The following PRKCA variants were observed in gnomAD, a reference collection of about 807,000 sequenced individuals.
PRKCA encodes the protein protein kinase C alpha type.
PRKCA carries 27 observed loss-of-function variants against 87.0 expected under a neutral mutation model. The ratio of observed to expected loss-of-function variants is 0.31; its 90% CI spans 0.23 to 0.43. The LOEUF is 0.43. PRKCA is among the 20% of genes least tolerant of loss of function. The pLI, the probability that PRKCA is intolerant of heterozygous loss-of-function variation, is 1.00. For synonymous variants in PRKCA, 329 were observed against 311.1 expected (o/e 1.06, Z -0.61); for missense variants, 518 against 852.3 (o/e 0.61, Z 4.88).
chr17:66,379,653 T>C (rs1256827412), intron 2 of PRKCA, among the ~76,000 whole-genome samples: 1 of 152,212 alleles, frequency 6.6e-6, no homozygotes, highest in Non-Finnish European at 1.5e-5. Flanking sequence ...TTTTGGATTT[T>C]CTTATTGTTG....
At chr17:66,483,167 T>C (rs1915855986) in intron 2 of PRKCA, among the ~76,000 whole-genome samples, 1 of 152,314 alleles carries the variant, frequency 6.6e-6, no homozygotes, top group Middle Eastern at 3.4e-3. Context: ...CCTTGTTGCA[T>C]GTATTAGTTT....
At chr17:66,802,844 A>G (rs968172972) in intron 16 of PRKCA, among the ~76,000 whole-genome samples, 25 of 152,208 alleles carry the variant, frequency 1.6e-4, no homozygotes, top group African/African-American at 5.5e-4. Flanking sequence ...GCTAGCTCAG[A>G]GTTAATTCAT....
chr17:66,451,816 A>G (rs981429299), intron 2 of PRKCA, among the ~76,000 whole-genome samples: 5 of 152,268 alleles, frequency 3.3e-5, no homozygotes, highest in Middle Eastern at 3.4e-3. Flanking sequence ...GCAAAGTTGT[A>G]TGATGAACCT....
In PRKCA at chr17:66,377,695, T is replaced by C. The variant is rs1909520112; in HGVS notation, c.205+71568T>C. Among the ~76,000 whole-genome samples, 4 of 124,996 alleles carry C rather than the reference T, an allele frequency of 3.2e-5. No homozygotes were observed. In the Admixed American group the frequency reaches 3.8e-4, roughly 12 times the overall value. 82.0% of individuals were successfully genotyped at this position (124,996 alleles called of 152,430 possible). ...ATGTCTATTATATATATATAAAGTC[T>C]ATGTTTTATATATATATATATATAT... On this transcript the variant is annotated intron_variant, in intron 2 of 16. Coordinates refer to ENST00000413366, the MANE Select transcript of PRKCA (RefSeq NM_002737.3).
At chr17:66,789,319 A>C (rs1975476410) in intron 16 of PRKCA, among the ~76,000 whole-genome samples, 1 of 152,240 alleles carries the variant, frequency 6.6e-6, no homozygotes, top group African/African-American at 2.4e-5. Flanking sequence ...GGCCGTATTC[A>C]CAGCCTTCAG....
intron 2 of PRKCA, chr17:66,364,307 T>C (rs1201279097): frequency 1.3e-5 from 2 of 152,132 alleles, no homozygotes; most frequent in African/African-American, 2.4e-5. Context: ...CTGACCAACA[T>C]AGACCCCATC....
chr17:66,657,563 G>T (rs1971769615), intron 5 of PRKCA, among the ~76,000 whole-genome samples: 2 of 152,126 alleles, frequency 1.3e-5, no homozygotes, highest in African/African-American at 4.8e-5. Context: ...TGGGAGTGGG[G>T]GTACAGTGCA....
chr17:66,799,977 T>C (rs1975863759), intron 16 of PRKCA, among the ~76,000 whole-genome samples: 1 of 152,120 alleles, frequency 6.6e-6, no homozygotes, highest in African/African-American at 2.4e-5. Context: ...AAAGTTCTCC[T>C]GAGTCTCGTA....
chr17:66,489,206 T>C (rs1456798843), intron 2 of PRKCA, among the ~76,000 whole-genome samples: 2 of 151,954 alleles, frequency 1.3e-5, no homozygotes, highest in African/African-American at 2.4e-5. Flanking sequence ...TGGCTTTTTC[T>C]TCATTAATTT....
rs1191887100 is a variant in PRKCA, at chr17:66,688,361, G to A, written c.746G>A (p.Arg249Gln). 3.7e-6 allele frequency: 6 copies of A among 1,614,030 alleles called. No homozygotes were observed. The highest frequency in any genetic ancestry group is 2.2e-5 in the East Asian group (1 of 44,892). The change falls in exon 7 of 17, where the codon CGA becomes CAA. Residue 249 changes from arginine (R) to glutamine (Q), a missense_variant. Arg to Gln is a conservative substitution (Grantham distance 43). Transcript: ENST00000413366. ...TCTGTAGAAATCTGGGACTGGGATCGAACAACAAGGAATGACTTCATGGGA... is the reference window on the plus strand; with the variant it reads ...TCTGTAGAAATCTGGGACTGGGATCAAACAACAAGGAATGACTTCATGGGA... Reference protein sequence around the residue: ...RLSVEIWDWDRTTRNDFMGSL... With the variant: ...RLSVEIWDWDQTTRNDFMGSL...
chr17:66,765,446 A>ATATATATATATATT (rs1974787063), intron 13 of PRKCA, among the ~76,000 whole-genome samples: 1 of 138,454 alleles, frequency 7.2e-6, no homozygotes, highest in Non-Finnish European at 1.6e-5. Flanking sequence ...ATATATATAT[A>ATATATATATATATT]TATATATATC....
chr17:66,337,932 T>A (rs1392072148), intron 2 of PRKCA, among the ~76,000 whole-genome samples: 1 of 152,030 alleles, frequency 6.6e-6, no homozygotes, highest in East Asian at 1.9e-4. Context: ...AAAAAAAAAC[T>A]TTTATTGCTA....
intron 16 of PRKCA, among the ~76,000 whole-genome samples, chr17:66,794,930 A>G (rs1183098206): frequency 6.6e-6 from 1 of 151,866 alleles, no homozygotes; most frequent in African/African-American, 2.4e-5. Context: ...CTTTTTCTAT[A>G]TCTCTGTCTG....
chr17:66,770,586 C>T (rs1598931163), intron 13 of PRKCA, among the ~76,000 whole-genome samples: 1 of 152,200 alleles, frequency 6.6e-6, no homozygotes, highest in South Asian at 2.1e-4. Flanking sequence ...CTGACTGGCC[C>T]CCTTTAAAGA....
intron 3 of PRKCA, among the ~76,000 whole-genome samples, chr17:66,526,961 T>TGGG (rs1967366286): frequency 6.6e-6 from 1 of 152,146 alleles, no homozygotes; most frequent in African/African-American, 2.4e-5. Context: ...TATAGCTTAT[T>TGGG]GGGCCACATC....
At chr17:66,399,080 A>ATTTCCTTTTC (rs1567808865) in intron 2 of PRKCA, among the ~76,000 whole-genome samples, 11 of 123,758 alleles carry the variant, frequency 8.9e-5, no homozygotes, top group African/African-American at 3.3e-4. Flanking sequence ...GGTAGACAGC[A>ATTTCCTTTTC]TTTTCTTTTC....
chr17:66,404,742 CTTTTTTTT>C (rs773919783), intron 2 of PRKCA, among the ~76,000 whole-genome samples: 6 of 54,230 alleles, frequency 1.1e-4, no homozygotes, highest in Admixed American at 3.1e-4. Flanking sequence ...GATGGTAGGC[CTTTTTTTT>C]TTTTTTTTTT....
chr17:66,344,211 G>A (rs1311076695), intron 2 of PRKCA, among the ~76,000 whole-genome samples: 6 of 152,122 alleles, frequency 3.9e-5, no homozygotes. Context: ...AGTGCTCCTA[G>A]GAGCCATTTT....
intron 13 of PRKCA, among the ~76,000 whole-genome samples, chr17:66,760,403 G>T (rs1443866315): frequency 6.6e-6 from 1 of 152,156 alleles, no homozygotes; most frequent in South Asian, 2.1e-4. Flanking sequence ...TGCAATTAAA[G>T]CAGGGCTTAG....
Sources: gnomAD v4.1 joint callset for allele counts (sites outside exome capture counted in the v4.1 genomes callset) on GRCh38, gnomAD v4.1.1 for gene constraint, MANE v1.5 for transcripts, NCBI Gene and HGNC (gene_info 2026-07-23, HGNC 2026-07-21) for gene names.